BAZ1A: variants seen among roughly 807,000 people sequenced by gnomAD.
BAZ1A encodes the protein bromodomain adjacent to zinc finger domain protein 1A.
In BAZ1A, 50 loss-of-function variants were observed where a neutral mutation model predicts 185.2. The ratio of observed to expected loss-of-function variants is 0.27; its 90% CI spans 0.22 to 0.34. The LOEUF is 0.34. BAZ1A is among the 10% of genes least tolerant of loss of function. The probability of loss-of-function intolerance (pLI) is 1.00; values close to 1 mark genes in which losing one functional copy is unlikely to be tolerated. For synonymous variants in BAZ1A, 571 were observed against 615.6 expected (o/e 0.93, Z 1.07); for missense variants, 1,356 against 1,839.9 (o/e 0.74, Z 4.81).
intron 3 of BAZ1A, among the ~76,000 whole-genome samples, chr14:34,860,799 G>C (rs1047749903): frequency 6.6e-6 from 1 of 151,900 alleles, no homozygotes; most frequent in Non-Finnish European, 1.5e-5. Context: ...TCAGGAGGCT[G>C]AGGCATAAGA....
intron 4 of BAZ1A, among the ~76,000 whole-genome samples, chr14:34,813,145 G>A (rs1014701262): frequency 1.3e-5 from 2 of 152,164 alleles, no homozygotes; most frequent in South Asian, 2.1e-4. Flanking sequence ...CACTTTGTGA[G>A]GCCAAGGCTT....
intron 21 of BAZ1A, among the ~76,000 whole-genome samples, chr14:34,767,559 A>G (rs1427341026): frequency 6.6e-6 from 1 of 152,152 alleles, no homozygotes; most frequent in Non-Finnish European, 1.5e-5. Flanking sequence ...ATATATATGT[A>G]TAATAATTGG....
intron 16 of BAZ1A, among the ~76,000 whole-genome samples, chr14:34,781,286 A>AT (rs1880021647): frequency 6.6e-6 from 1 of 152,186 alleles, no homozygotes; most frequent in African/African-American, 2.4e-5. Context: ...AACAATCACC[A>AT]TTTTAAAGTG....
At chr14:34,794,405 T>A (rs1881065643) in intron 11 of BAZ1A, among the ~76,000 whole-genome samples, 1 of 152,166 alleles carries the variant, frequency 6.6e-6, no homozygotes, top group Non-Finnish European at 1.5e-5. Context: ...TCCTGTTGAA[T>A]CCCACGGTGG....
chr14:34,794,428 C>T lies in BAZ1A; in HGVS notation c.1363+321G>A, dbSNP rs1049006089. ...AATCCCACGGTGGCCTCTCACTGCT[C>T]TGACCAATGGAATGTGGCAGAAGTA... On this transcript the variant is annotated intron_variant, in intron 11 of 26. Transcript: ENST00000360310. Among the ~76,000 whole-genome samples the T allele has an allele frequency of 5.9e-5, 9 of 152,184 alleles. No homozygotes were observed. The South Asian group carries it at 1.9e-3, about 31-fold the overall frequency.
At chr14:34,784,667 G>A (rs1261276285) in intron 14 of BAZ1A, among the ~76,000 whole-genome samples, 4 of 151,276 alleles carry the variant, frequency 2.6e-5, no homozygotes, top group South Asian at 2.1e-4. Context: ...ACAGGCGCCC[G>A]CCACCACGCC....
chr14:34,773,801 C>T (rs1879400000), intron 19 of BAZ1A, 75 bp from the exon 20 acceptor site: 1 of 1,302,116 alleles, frequency 7.7e-7, no homozygotes, highest in Non-Finnish European at 1.1e-6. Flanking sequence ...GTTCAATATG[C>T]ATATAAAATC....
At position 34,764,232 on chromosome 14, in the gene BAZ1A, A is replaced by G. The variant is rs1594812904; in HGVS notation, c.3776+475T>C. On this transcript the variant is annotated intron_variant, in intron 23 of 26. Coordinates refer to ENST00000360310, the MANE Select transcript of BAZ1A (RefSeq NM_013448.3). ...TTGGGAATATTTTTGAATGTTTATA[A>G]TATATAAAAAGCAAGGGTAACTTCA... Among the ~76,000 whole-genome samples, 3 of 151,712 alleles carry G rather than the reference A, an allele frequency of 2.0e-5. No individual in the cohort carries two copies. The East Asian group carries it at 5.8e-4, about 29-fold the overall frequency.
Position 34,862,056 on chromosome 14 carries a change from T to C in BAZ1A, c.380A>G (p.Asn127Ser), listed in dbSNP as rs144581209. 20 of 1,614,132 alleles carry C rather than the reference T, an allele frequency of 1.2e-5. No individual in the cohort carries two copies. Among genetic ancestry groups the C allele is most frequent in the African/African-American group, 9.3e-5 (7 of 75,058 alleles). ...FVEETVEVIR[N>S]NGARLQCRIL... Reference sequence around the variant, plus strand: ...AAAAGTACTTTACCTTGCACCATTGTTCCTAATGACTTCCACAGTTTCTTC... The same window carrying C: ...AAAAGTACTTTACCTTGCACCATTGCTCCTAATGACTTCCACAGTTTCTTC... The change falls in exon 3 of 27, where the codon AAC becomes AGC. Residue 127 changes from asparagine to serine, a missense_variant. Physicochemically the swap from Asn to Ser is conservative, Grantham distance 46 (BLOSUM62 1). Coordinates refer to ENST00000360310, the MANE Select transcript of BAZ1A (RefSeq NM_013448.3).
At chr14:34,828,728 T>TA (rs1401595492) in intron 3 of BAZ1A, 3 of 152,240 alleles carry the variant, frequency 2.0e-5, no homozygotes, top group Non-Finnish European at 4.4e-5. Context: ...TTTCCTCTGC[T>TA]AAAAGACATG....
At chr14:34,811,087 A>C (rs772602118) in intron 4 of BAZ1A, 51 bp from the exon 5 acceptor site, 7 of 1,276,788 alleles carry the variant, frequency 5.5e-6, no homozygotes, top group Non-Finnish European at 7.7e-6. Context: ...TGGAAAATGA[A>C]ATTTTAAATG....
At chr14:34,793,114 C>A (rs943898652) in intron 11 of BAZ1A, among the ~76,000 whole-genome samples, 193 bp from the exon 12 acceptor site, 2 of 152,112 alleles carry the variant, frequency 1.3e-5, no homozygotes, top group African/African-American at 4.8e-5. Context: ...ACAATAAAAT[C>A]GTAAGCCAAA....
At chr14:34,868,488 G>C (rs2042897172) in intron 2 of BAZ1A, among the ~76,000 whole-genome samples, 1 of 152,134 alleles carries the variant, frequency 6.6e-6, no homozygotes, top group South Asian at 2.1e-4. Flanking sequence ...CCTAGTAGGG[G>C]AAGATTAAAT....
At chr14:34,813,648 A>G (rs988421471) in intron 4 of BAZ1A, among the ~76,000 whole-genome samples, 11 of 152,034 alleles carry the variant, frequency 7.2e-5, no homozygotes, top group African/African-American at 2.7e-4. Flanking sequence ...GTGCCATTGC[A>G]TTCCAGCTTG....
At chr14:34,841,887 T>C (rs1304563963) in intron 3 of BAZ1A, among the ~76,000 whole-genome samples, 1 of 152,196 alleles carries the variant, frequency 6.6e-6, no homozygotes, top group Non-Finnish European at 1.5e-5. Flanking sequence ...TCAGAGAAGA[T>C]ACTTAAGTGG....
At chr14:34,843,933 C>T (rs111887201) in intron 3 of BAZ1A, among the ~76,000 whole-genome samples, 1,565 of 152,094 alleles carry the variant, frequency 0.01, 29 homozygotes, top group African/African-American at 0.036. Context: ...CGGCCGGGCG[C>T]GGTGGCTCAC....
intron 9 of BAZ1A, among the ~76,000 whole-genome samples, chr14:34,798,811 T>A (rs1005728016): frequency 2.0e-5 from 3 of 152,218 alleles, no homozygotes; most frequent in Non-Finnish European, 4.4e-5. Context: ...TCAACCATTG[T>A]GGAAGACAGT....
intron 3 of BAZ1A, among the ~76,000 whole-genome samples, chr14:34,854,507 AAAGTC>A (rs1229111494): frequency 6.6e-6 from 1 of 152,236 alleles, no homozygotes. Context: ...ATAGAAAATT[AAAGTC>A]AATAGAAAAA....
chr14:34,830,806 C>T (rs1470961740), intron 3 of BAZ1A, among the ~76,000 whole-genome samples: 3 of 149,244 alleles, frequency 2.0e-5, no homozygotes, highest in Non-Finnish European at 4.4e-5. Flanking sequence ...ACTCTGTCCC[C>T]CAGGCAGTGT....
Sources: allele counts gnomAD v4.1 joint callset (sites outside exome capture counted in the v4.1 genomes callset), GRCh38; gene constraint gnomAD v4.1.1; transcripts MANE v1.5; gene names NCBI Gene and HGNC (gene_info 2026-07-23, HGNC 2026-07-21).